SORCS2: variants seen among roughly 807,000 people sequenced by gnomAD.
SORCS2 encodes VPS10 domain-containing receptor SorCS2.
SORCS2 carries 100 observed loss-of-function variants against 141.6 expected under a neutral mutation model. The observed-to-expected ratio is 0.71, with a 90% CI of 0.60 to 0.83. The LOEUF is 0.83. SORCS2 is among the 40% of genes least tolerant of loss of function. SORCS2 has a pLI of 0.00. For missense variants in SORCS2, 1,646 were observed against 1,560.2 expected (o/e 1.05, Z -0.93); for synonymous variants, 789 against 676.9 (o/e 1.17, Z -2.57).
intron 2 of SORCS2, among the ~76,000 whole-genome samples, chr4:7,469,336 C>T (rs1348720863): frequency 6.6e-6 from 1 of 152,076 alleles, no homozygotes; most frequent in Non-Finnish European, 1.5e-5. Flanking sequence ...GAAAATAGAA[C>T]GCAGAGACAG....
In SORCS2 at chr4:7,410,016, C is replaced by T. The variant is rs79217930; in HGVS notation, c.548+13661C>T. Among the ~76,000 whole-genome samples, 329 of 152,330 alleles carry T rather than the reference C, an allele frequency of 2.2e-3. 1 individual carries two copies. Among genetic ancestry groups the T allele is most frequent in the African/African-American group, 7.2e-3 (299 of 41,586 alleles). On this transcript the variant is annotated intron_variant, in intron 2 of 26. Coordinates refer to ENST00000507866, the MANE Select transcript of SORCS2 (RefSeq NM_020777.3). ...CCAACAGCAATGCAGCGTCCTCTGA[C>T]GCTCACTGATATAAAGAAGCATCAA...
At chr4:7,521,705 G>A (rs1733341129) in intron 2 of SORCS2, among the ~76,000 whole-genome samples, 3 of 152,220 alleles carry the variant, frequency 2.0e-5, no homozygotes, top group Admixed American at 1.3e-4. Flanking sequence ...TGCTGAGACT[G>A]AGGTTCCAGT....
intron 3 of SORCS2, among the ~76,000 whole-genome samples, chr4:7,632,630 G>C (rs1343099820): frequency 6.6e-6 from 1 of 152,208 alleles, no homozygotes; most frequent in Non-Finnish European, 1.5e-5. Context: ...AGGGCCTAAT[G>C]GAGGGTGCGG....
chr4:7,548,782 C>T (rs1431341796), intron 3 of SORCS2, among the ~76,000 whole-genome samples: 1 of 152,280 alleles, frequency 6.6e-6, no homozygotes. Context: ...CCATCAGATG[C>T]CTTTCAGCTG....
chr4:7,369,550 G>T (rs77730350), intron 1 of SORCS2, among the ~76,000 whole-genome samples: 1 of 152,154 alleles, frequency 6.6e-6, no homozygotes, highest in Non-Finnish European at 1.5e-5. Context: ...ACTTGGGGGC[G>T]TGTCTACCCC....
intron 2 of SORCS2, among the ~76,000 whole-genome samples, chr4:7,512,753 G>A (rs1189315356): frequency 6.6e-6 from 1 of 151,818 alleles, no homozygotes; most frequent in Non-Finnish European, 1.5e-5. Flanking sequence ...GGGGACCTCT[G>A]CTTGGCTCCA....
At chr4:7,674,980 G>C (rs1401116540) in intron 8 of SORCS2, among the ~76,000 whole-genome samples, 2 of 152,144 alleles carry the variant, frequency 1.3e-5, no homozygotes, top group African/African-American at 4.8e-5. Flanking sequence ...CCTTGGCACT[G>C]TGTTCTCAGA....
chr4:7,397,391 T>G (rs9997320), intron 2 of SORCS2, among the ~76,000 whole-genome samples: 22,508 of 151,748 alleles, frequency 0.15, 1,822 homozygotes, highest in Non-Finnish European at 0.18. Flanking sequence ...AAGCTCAGGG[T>G]TTAAGACACT....
chr4:7,533,924 G>C (rs1490691221), intron 3 of SORCS2, among the ~76,000 whole-genome samples: 1 of 152,200 alleles, frequency 6.6e-6, no homozygotes, highest in Non-Finnish European at 1.5e-5. Context: ...GCGGGCCAAA[G>C]GCTGGGGCTG....
intron 18 of SORCS2, among the ~76,000 whole-genome samples, chr4:7,722,693 G>A (rs992726553): frequency 6.6e-6 from 1 of 152,204 alleles, no homozygotes; most frequent in Non-Finnish European, 1.5e-5. Flanking sequence ...CACCTGTAAA[G>A]ACCCTATTTC....
At chr4:7,208,133 A>G (rs1577276243) in intron 1 of SORCS2, among the ~76,000 whole-genome samples, 1 of 151,714 alleles carries the variant, frequency 6.6e-6, no homozygotes, top group Non-Finnish European at 1.5e-5. Context: ...GGCAAAGAAG[A>G]CCACCGAGGC....
intron 3 of SORCS2, among the ~76,000 whole-genome samples, chr4:7,579,200 C>CT (rs1052447499): frequency 6.6e-6 from 1 of 152,182 alleles, no homozygotes; most frequent in African/African-American, 2.4e-5. Flanking sequence ...GTCTCTTAAT[C>CT]TGTCGTTATT....
chr4:7,688,439 A>G (rs1156263164), intron 10 of SORCS2, among the ~76,000 whole-genome samples: 1 of 152,188 alleles, frequency 6.6e-6, no homozygotes, highest in Non-Finnish European at 1.5e-5. Flanking sequence ...GGCAAATACA[A>G]TGTTTACCAT....
At chr4:7,718,418 G>A (rs576417018) in intron 18 of SORCS2, among the ~76,000 whole-genome samples, 2 of 152,220 alleles carry the variant, frequency 1.3e-5, no homozygotes, top group African/African-American at 2.4e-5. Context: ...AGGACGTAGG[G>A]GGTATTAGGG....
intron 2 of SORCS2, among the ~76,000 whole-genome samples, chr4:7,492,083 C>T (rs116810542): frequency 0.01 from 1,540 of 152,328 alleles, 8 homozygotes; most frequent in Non-Finnish European, 0.017. Flanking sequence ...CAGGCTGAGC[C>T]CCATGGGCAA....
chr4:7,623,816 C>T (rs1287308102), intron 3 of SORCS2, among the ~76,000 whole-genome samples: 2 of 152,200 alleles, frequency 1.3e-5, no homozygotes, highest in Non-Finnish European at 2.9e-5. Flanking sequence ...GAGCCAAAGA[C>T]AACGAGGTTG....
intron 1 of SORCS2, among the ~76,000 whole-genome samples, chr4:7,390,503 A>C (rs1470900239): frequency 1.3e-5 from 2 of 152,198 alleles, no homozygotes; most frequent in Admixed American, 1.3e-4. Context: ...GCGCTCATGC[A>C]GGGCCAGGGT....
intron 2 of SORCS2, among the ~76,000 whole-genome samples, chr4:7,414,632 A>G (rs1205542153): frequency 6.6e-6 from 1 of 152,196 alleles, no homozygotes; most frequent in Admixed American, 6.5e-5. Flanking sequence ...TAATAATTCT[A>G]CAGAAGTAAA....
chr4:7,373,478 A>ATTTTTTTTTTTTTTTTT (rs71173496), intron 1 of SORCS2, among the ~76,000 whole-genome samples: 2 of 36,816 alleles, frequency 5.4e-5, no homozygotes, highest in Non-Finnish European at 4.1e-5. Context: ...ATATATATAT[A>ATTTTTTTTTTTTTTTTT]TTTTTTTTTT....
Sources: gnomAD v4.1 joint callset for allele counts (sites outside exome capture counted in the v4.1 genomes callset) on GRCh38, gnomAD v4.1.1 for gene constraint, MANE v1.5 for transcripts, NCBI Gene and HGNC (gene_info 2026-07-23, HGNC 2026-07-21) for gene names.